The following DGKQ variants were observed in gnomAD, a reference collection of about 807,000 sequenced individuals.
DGKQ encodes the protein diacylglycerol kinase theta.
Under a neutral mutation model 104.2 loss-of-function variants are expected in DGKQ, and 97 were observed. That is an observed-to-expected ratio of 0.93 (90% CI 0.79 to 1.10). The LOEUF is 1.10. Ranked by LOEUF, DGKQ falls within the 50% of genes least tolerant of loss-of-function variation. DGKQ has a pLI of 0.00. For missense variants in DGKQ, 1,465 were observed against 1,352.1 expected (o/e 1.08, Z -1.31); for synonymous variants, 736 against 595.2 (o/e 1.24, Z -3.44).
Position 967,571 on chromosome 4 carries a change from A to AGGC in DGKQ, c.962_964dup (p.Arg321dup). 6.2e-7 allele frequency: 1 copy of AGGC among 1,612,566 alleles called. No homozygotes were observed. The highest frequency in any genetic ancestry group is 8.5e-7 in the Non-Finnish European group (1 of 1,179,824). On this transcript the variant is annotated inframe_insertion, in exon 8 of 23. Coordinates refer to ENST00000273814, the MANE Select transcript of DGKQ (RefSeq NM_001347.4). ...TACCAGCACCTCCTCGGCACCGGCCAGGCGGGACACCGTGACGAGGCGGAA... is the reference window on the plus strand; with the variant it reads ...TACCAGCACCTCCTCGGCACCGGCCAGGCGGCGGGACACCGTGACGAGGCGGAA...
intron 12 of DGKQ, 72 bp from the exon 13 acceptor site, chr4:966,150 C>T: frequency 6.9e-7 from 1 of 1,459,430 alleles, no homozygotes; most frequent in South Asian, 1.3e-5. Flanking sequence ...TGTCTCCTCA[C>T]CCGCAAAACA....
intron 2 of DGKQ, among the ~76,000 whole-genome samples, chr4:969,938 C>G (rs1712796702): frequency 6.6e-6 from 1 of 152,236 alleles, no homozygotes; most frequent in South Asian, 2.1e-4. Context: ...AATTTCCTAT[C>G]ATGCATACAG....
Position 961,985 on chromosome 4 carries a change from C to G in DGKQ, c.2312G>C (p.Ser771Thr). The G allele has an allele frequency of 6.2e-7, 1 of 1,613,128 alleles. No homozygotes were observed. Among genetic ancestry groups the G allele is most frequent in the African/African-American group, 1.3e-5 (1 of 75,042 alleles). The change falls in exon 19 of 23, where the codon AGC (serine) becomes ACC (threonine). Residue 771 changes from serine (S) to threonine (T), a missense_variant. Transcript: ENST00000273814. ...AREEEPGKFT[S>T]RLHNKGVYVR... ...GTAGCCCCTGCGGCTCCGGTACCTG[C>G]TTGTGAACTTGCCAGGCTCCTCTTC...
intron 19 of DGKQ, 53 bp downstream of exon 19, chr4:961,929 G>A (rs1000350886): frequency 6.2e-7 from 1 of 1,609,690 alleles, no homozygotes; most frequent in Non-Finnish European, 8.5e-7. Context: ...TCCTGCTGGG[G>A]GACCTGAGGG....
At chr4:962,680 A>C (rs1711979803) in intron 17 of DGKQ, 67 bp from the exon 18 acceptor site, 3 of 1,589,346 alleles carry the variant, frequency 1.9e-6, no homozygotes, top group Admixed American at 3.4e-5. Context: ...TGCAGACCCC[A>C]CCACGAGGAC....
At position 971,773 on chromosome 4, in the gene DGKQ, G is replaced by C. The variant is rs895811292; in HGVS notation, c.272-701C>G. ...AACCCTGGGCTGGGGCAAAGGCTGC[G>C]GGGGCTGGGAGTGGGCAGGGCACCC... is the stretch of plus-strand genomic sequence containing the variant. On this transcript the variant is annotated intron_variant, in intron 1 of 22. Transcript: ENST00000273814. The surrounding 1 kb of genome is among the most constrained non-coding windows in gnomAD (Gnocchi z 4.0). Among the ~76,000 whole-genome samples the C allele has an allele frequency of 6.6e-6, 1 of 152,154 alleles. No individual in the cohort carries two copies. Among genetic ancestry groups the C allele is most frequent in the African/African-American group, 2.4e-5 (1 of 41,438 alleles).
chr4:962,344 G>C lies in DGKQ; in HGVS notation c.2214+91C>G, dbSNP rs944701786. On this transcript the variant is annotated intron_variant, in intron 18 of 22. Coordinates refer to ENST00000273814, the MANE Select transcript of DGKQ (RefSeq NM_001347.4). ...GGATGATGCGGGCGCGTACACCCGA[G>C]TGTGGCTGGGAAGAGGACGCCCGTT... 4.6e-6 allele frequency: 6 copies of C among 1,315,596 alleles called. No individual in the cohort carries two copies. The Admixed American group carries it at 1.4e-4, about 30-fold the overall frequency. The allele number at this position is 1,315,596 out of a possible 1,614,324, so 81.5% of individuals were successfully genotyped here.
intron 15 of DGKQ, 130 bp from the exon 16 acceptor site, chr4:963,420 C>T (rs562212318): frequency 6.4e-5 from 50 of 779,234 alleles, no homozygotes; most frequent in African/African-American, 4.2e-4. Context: ...CCCAGGAAGG[C>T]GTGGCCAGCA....
chr4:965,533 C>T lies in DGKQ; in HGVS notation c.1580-4G>A. The T allele has an allele frequency of 6.2e-7, 1 of 1,611,712 alleles. No individual in the cohort carries two copies. The highest frequency in any genetic ancestry group is 8.5e-7 in the Non-Finnish European group (1 of 1,179,508). Reference sequence around the variant, plus strand: ...TGACTCACGGACACCACGGTGGCTGCAAAGGCAGGCTGTGGTCAGGGCGGT... The same window carrying T: ...TGACTCACGGACACCACGGTGGCTGTAAAGGCAGGCTGTGGTCAGGGCGGT... On this transcript the variant is annotated splice_region_variant and splice_polypyrimidine_tract_variant and intron_variant, in intron 13 of 22. Transcript: ENST00000273814.
Position 962,881 on chromosome 4 carries a change from C to A in DGKQ, c.1926G>T (p.Leu642=). The A allele has an allele frequency of 6.2e-7, 1 of 1,609,538 alleles. No individual in the cohort carries two copies. Among genetic ancestry groups the A allele is most frequent in the Non-Finnish European group, 8.5e-7 (1 of 1,178,622 alleles). The stretch of plus-strand genomic sequence containing the variant: ...CCACAGTGCCATCGCCACCACACAC[C>A]AGCACCCGGAAGCAGGGCACCTGGG... ...LFSQVPCFRV[L]VCGGDGTVGW... Residue 642 remains leucine, a synonymous_variant, in exon 17 of 23, where the codon CTG becomes CTT. Transcript: ENST00000273814.
In DGKQ at chr4:968,885, G is replaced by C; in HGVS notation, c.377C>G (p.Pro126Arg). The change falls in exon 3 of 23, where the codon CCC (proline) becomes CGC (arginine). Residue 126 changes from proline to arginine, a missense_variant. By Grantham distance (103) the Pro-to-Arg change is moderately radical. Coordinates refer to ENST00000273814, the MANE Select transcript of DGKQ (RefSeq NM_001347.4). The stretch of plus-strand genomic sequence containing the variant: ...GAACTTGCGCTTGTGGAGCCCCCGG[G>C]GGCCGAAGCAGTGGGCTACAGGAAC... ...VRVPVAHCFG[P>R]RGLHKRKFCA... 6.2e-7 allele frequency: 1 copy of C among 1,601,398 alleles called. No individual in the cohort carries two copies. The highest frequency in any genetic ancestry group is 8.5e-7 in the Non-Finnish European group (1 of 1,172,292).
chr4:969,276 G>C (rs1213911159), intron 2 of DGKQ, among the ~76,000 whole-genome samples: 1 of 152,230 alleles, frequency 6.6e-6, no homozygotes, highest in Non-Finnish European at 1.5e-5. Flanking sequence ...AGGCCCGCCT[G>C]CCACCCCTTC....
intron 1 of DGKQ, 100 bp downstream of exon 1, chr4:973,112 T>A: frequency 7.6e-7 from 1 of 1,311,814 alleles, no homozygotes; most frequent in Non-Finnish European, 9.8e-7. Flanking sequence ...GACCCCGCCC[T>A]CCACTCCCCC....
At chr4:963,087 G>A (rs1712012025) in intron 16 of DGKQ, 52 bp downstream of exon 16, 2 of 1,546,034 alleles carry the variant, frequency 1.3e-6, no homozygotes, top group Admixed American at 1.9e-5. Context: ...AGCCTCCTGG[G>A]GCCCTTCCCG....
rs1712898632 is a variant in DGKQ, at chr4:971,136, G to T, written c.272-64C>A. ...ACCCAATGGCTGTCCTACCCAGGAA[G>T]TTAGAGGCCCCAGGGCAATGACTGC... On this transcript the variant is annotated intron_variant, in intron 1 of 22. Transcript: ENST00000273814. This position sits in a 1 kb window ranked among gnomAD's most constrained non-coding sequence, Gnocchi z 4.0. 7.7e-7 allele frequency: 1 copy of T among 1,294,170 alleles called. No homozygotes were observed. The highest frequency in any genetic ancestry group is 2.0e-5 in the Admixed American group (1 of 50,142). 80.2% of individuals were successfully genotyped at this position (1,294,170 alleles called of 1,614,324 possible).
rs1711909681 is a variant in DGKQ at position 961,805 on chromosome 4, A to C, written c.2345T>G (p.Val782Gly). Residue 782 changes from valine (V) to glycine (G), a missense_variant, in exon 20 of 23, where the codon GTG becomes GGG. Physicochemically the swap from Val to Gly is moderately radical, Grantham distance 109. Coordinates refer to ENST00000273814, the MANE Select transcript of DGKQ (RefSeq NM_001347.4). ...RLHNKGVYVR[V>G]GLQKISHSRS... is the part of the protein sequence containing the mutation. ...AGAGTGACTGATCTTCTGCAGCCCC[A>C]CCCGCACGTACACACCCTTGTTGTG... 6.2e-7 allele frequency: 1 copy of C among 1,606,352 alleles called. No homozygotes were observed. Among genetic ancestry groups the C allele is most frequent in the Non-Finnish European group, 8.5e-7 (1 of 1,177,048 alleles).
intron 5 of DGKQ, 70 bp from the exon 6 acceptor site, chr4:968,097 G>T: frequency 8.8e-7 from 1 of 1,136,092 alleles, no homozygotes; most frequent in East Asian, 3.0e-5. Flanking sequence ...GCCAGGTCCA[G>T]GGAAAGACCC....
Position 960,279 on chromosome 4 carries a change from CAG to C in DGKQ, c.*339_*340del. 2.7e-6 allele frequency: 1 copy of C among 369,692 alleles called. No homozygotes were observed. The allele number at this position is 369,692 out of a possible 1,614,324, so 22.9% of individuals were successfully genotyped here. A position where few individuals can be genotyped will look rare whatever the true frequency, so the allele number is the denominator to read the frequency against. ...CCAGCACTGTCCAGCTCAAGGGGCTCAGTGGGGAGAGGGATGGGTGCCCACCC... is the reference window on the plus strand; with the variant it reads ...CCAGCACTGTCCAGCTCAAGGGGCTCTGGGGAGAGGGATGGGTGCCCACCC... On this transcript the variant is annotated 3_prime_UTR_variant, in exon 23 of 23. Transcript: ENST00000273814.
intron 15 of DGKQ, among the ~76,000 whole-genome samples, chr4:964,440 G>A (rs545374237): frequency 6.6e-6 from 1 of 152,174 alleles, no homozygotes; most frequent in African/African-American, 2.4e-5. Flanking sequence ...GTGAAGGCAC[G>A]GTGTGCAGCG....
Sources: allele counts gnomAD v4.1 joint callset (sites outside exome capture counted in the v4.1 genomes callset), GRCh38; gene constraint gnomAD v4.1.1; non-coding constraint Gnocchi (gnomAD v3.1); transcripts MANE v1.5; gene names NCBI Gene and HGNC (gene_info 2026-07-23, HGNC 2026-07-21).